The following PLXNC1 variants were observed in gnomAD, a reference collection of about 807,000 sequenced individuals.
PLXNC1 encodes the protein plexin-C1.
Under a neutral mutation model 178.2 loss-of-function variants are expected in PLXNC1, and 75 were observed. That is an observed-to-expected ratio of 0.42 (90% CI 0.35 to 0.51). The LOEUF (loss-of-function observed/expected upper bound fraction) is 0.51. Among genes scored for constraint, PLXNC1 ranks in the 20% least tolerant of loss-of-function variants. PLXNC1 has a pLI of 0.02. For missense variants in PLXNC1, 1,503 were observed against 1,984.4 expected, an observed-to-expected ratio of 0.76 and a Z score of 4.61; for synonymous variants, 790 against 779.9, an observed-to-expected ratio of 1.01 and a Z score of -0.22.
chr12:94,172,061 A>G (rs947070335), intron 2 of PLXNC1, among the ~76,000 whole-genome samples: 9 of 152,236 alleles, frequency 5.9e-5, no homozygotes, highest in African/African-American at 1.9e-4. Flanking sequence ...AAATCCCTTT[A>G]TTCAGAAGCT....
At position 94,305,988 on chromosome 12, in the gene PLXNC1, AT is replaced by A. The variant is rs1968963534; in HGVS notation, c.*707del. Reference sequence around the variant, plus strand: ...AGTGGGCTTTATTTAAATGAACAGCATTTTAACCAGATACTTTGTCCTAATG... The same window carrying A: ...AGTGGGCTTTATTTAAATGAACAGCATTTAACCAGATACTTTGTCCTAATG... On this transcript the variant is annotated 3_prime_UTR_variant, in exon 31 of 31. Coordinates refer to ENST00000258526, the MANE Select transcript of PLXNC1 (RefSeq NM_005761.3). 6.6e-6 allele frequency: 1 copy of A among 152,226 alleles called. No homozygotes were observed. The highest frequency in any genetic ancestry group is 1.5e-5 in the Non-Finnish European group (1 of 68,042). 9.4% of individuals were successfully genotyped at this position (152,226 alleles called of 1,614,324 possible).
rs61494140 is a variant in PLXNC1, at chr12:94,196,387, C to T, written c.1439+9914C>T. ...TCTGGTTGTTTAAGAGAGTGTGGCACCTGCCCCCTCACAGTCTTGCTCCCA... is the reference window on the plus strand; with the variant it reads ...TCTGGTTGTTTAAGAGAGTGTGGCATCTGCCCCCTCACAGTCTTGCTCCCA... On this transcript the variant is annotated intron_variant, in intron 4 of 30. Coordinates refer to ENST00000258526, the MANE Select transcript of PLXNC1 (RefSeq NM_005761.3). 1.3e-3 allele frequency among the ~76,000 whole-genome samples: 200 copies of T among 152,168 alleles called. 2 individuals are homozygous for T. The highest frequency in any genetic ancestry group is 0.011 in the Admixed American group (168 of 15,288).
At chr12:94,279,694 TC>T (rs771669619) in intron 22 of PLXNC1, 45 bp downstream of exon 22, 1 of 1,554,368 alleles carries the variant, frequency 6.4e-7, no homozygotes, top group East Asian at 2.2e-5. Flanking sequence ...CTGATGAGTG[TC>T]CCTCCCTGCC....
At chr12:94,206,680 A>G (rs764677137) in intron 4 of PLXNC1, among the ~76,000 whole-genome samples, 4 of 152,230 alleles carry the variant, frequency 2.6e-5, no homozygotes, top group Non-Finnish European at 5.9e-5. Flanking sequence ...TCAGTAGAGG[A>G]TGGAGCAAAA....
rs751459922 is a variant in PLXNC1, at chr12:94,297,416, C to T, written c.4067C>T (p.Ser1356Leu). 9.9e-6 allele frequency: 16 copies of T among 1,609,822 alleles called. No individual in the cohort carries two copies. The highest frequency in any genetic ancestry group is 3.3e-5 in the Admixed American group (2 of 59,974). ...GAAATGTATCTGACAAAGCTGCTGT[C>T]GACCAAGGTACACTTACTGTTCTGG... is the stretch of plus-strand genomic sequence containing the variant. Reference protein sequence around the residue: ...VKEMYLTKLLSTKVAIHSVLE... With the variant: ...VKEMYLTKLLLTKVAIHSVLE... Residue 1356 changes from serine to leucine, a missense_variant, in exon 26 of 31, where the codon TCG (serine) becomes TTG (leucine). Physicochemically the swap from Ser to Leu is moderately radical, Grantham distance 145. Coordinates refer to ENST00000258526, the MANE Select transcript of PLXNC1 (RefSeq NM_005761.3).
chr12:94,197,418 A>G (rs907751418), intron 4 of PLXNC1, among the ~76,000 whole-genome samples: 16 of 144,290 alleles, frequency 1.1e-4, no homozygotes, highest in Non-Finnish European at 2.3e-4. Flanking sequence ...TTCCTGATAA[A>G]ATGATACATT....
intron 4 of PLXNC1, among the ~76,000 whole-genome samples, chr12:94,208,646 A>C (rs930342790): frequency 6.6e-6 from 1 of 152,220 alleles, no homozygotes; most frequent in Non-Finnish European, 1.5e-5. Context: ...CCTGCATTTT[A>C]ATCTTCAGCC....
At chr12:94,208,442 G>A (rs531651285) in intron 4 of PLXNC1, among the ~76,000 whole-genome samples, 1 of 152,130 alleles carries the variant, frequency 6.6e-6, no homozygotes, top group Non-Finnish European at 1.5e-5. Context: ...AAGAGAGAGA[G>A]AGTAGAGAAA....
chr12:94,243,369 C>T (rs1002726439), intron 11 of PLXNC1, among the ~76,000 whole-genome samples: 7 of 152,200 alleles, frequency 4.6e-5, no homozygotes, highest in African/African-American at 7.2e-5. Context: ...CACTGAGAAA[C>T]GTGAAGTTAT....
At chr12:94,227,725 G>C (rs1015032021) in intron 9 of PLXNC1, among the ~76,000 whole-genome samples, 1 of 152,052 alleles carries the variant, frequency 6.6e-6, no homozygotes, top group Admixed American at 6.6e-5. Flanking sequence ...TATTTCTCTC[G>C]CCTTCTCACA....
chr12:94,282,074 T>C (rs1966479062), intron 22 of PLXNC1: 1 of 474,894 alleles, frequency 2.1e-6, no homozygotes, highest in Non-Finnish European at 3.8e-6. Context: ...TGGCTTTACT[T>C]CCAGGCTTAT....
chr12:94,177,526 G>GGAGAAAGAAA (rs1555195722), intron 2 of PLXNC1, among the ~76,000 whole-genome samples: 2 of 133,200 alleles, frequency 1.5e-5, no homozygotes, highest in South Asian at 2.4e-4. Context: ...AGAGAGAGAG[G>GGAGAAAGAAA]GAGAAAGAAA....
intron 21 of PLXNC1, among the ~76,000 whole-genome samples, chr12:94,273,149 T>C (rs1965685955): frequency 6.6e-6 from 1 of 152,234 alleles, no homozygotes; most frequent in Non-Finnish European, 1.5e-5. Flanking sequence ...AATGAACCTA[T>C]AATTGCATTC....
At chr12:94,224,548 T>A (rs1427802521) in intron 7 of PLXNC1, among the ~76,000 whole-genome samples, 1 of 152,140 alleles carries the variant, frequency 6.6e-6, no homozygotes, top group African/African-American at 2.4e-5. Context: ...TGTGCTTAAG[T>A]GTTCATACCC....
At chr12:94,152,697 G>A (rs1157491084) in intron 1 of PLXNC1, among the ~76,000 whole-genome samples, 1 of 152,188 alleles carries the variant, frequency 6.6e-6, no homozygotes, top group Non-Finnish European at 1.5e-5. Flanking sequence ...AGGCACAAGC[G>A]GCTGGATTTG....
At chr12:94,288,097 C>T (rs1344073287) in intron 23 of PLXNC1, among the ~76,000 whole-genome samples, 1 of 152,250 alleles carries the variant, frequency 6.6e-6, no homozygotes, top group Non-Finnish European at 1.5e-5. Context: ...ATGCTCCTAA[C>T]CTCCGAGGCA....
Position 94,150,003 on chromosome 12 carries a change from C to T in PLXNC1, c.1032C>T (p.Ser344=), listed in dbSNP as rs897870327. 3.1e-6 allele frequency: 5 copies of T among 1,596,874 alleles called. No homozygotes were observed. Among genetic ancestry groups the T allele is most frequent in the Middle Eastern group, 1.7e-4 (1 of 5,994 alleles). The change falls in exon 1 of 31, where the codon AGC becomes AGT. Residue 344 remains serine (S), a synonymous_variant. Coordinates refer to ENST00000258526, the MANE Select transcript of PLXNC1 (RefSeq NM_005761.3). ...SEIQARAKRV[S]WDFKTAESHC... The stretch of plus-strand genomic sequence containing the variant: ...TCCAGGCGCGCGCCAAGAGGGTCAG[C>T]TGGGACTTCAAGACGGCCGAGAGCC...
chr12:94,208,323 G>A (rs971559693), intron 4 of PLXNC1, among the ~76,000 whole-genome samples: 1 of 152,180 alleles, frequency 6.6e-6, no homozygotes, highest in African/African-American at 2.4e-5. Context: ...TATTGTGCTT[G>A]GGGATGACGT....
At chr12:94,150,106 A>G (rs1197280244) in intron 1 of PLXNC1, 73 bp downstream of exon 1, 8 of 1,236,526 alleles carry the variant, frequency 6.5e-6, no homozygotes, top group Non-Finnish European at 8.7e-6. Flanking sequence ...AGGCAGAACG[A>G]GCTGGGGGCG....
Sources: allele counts gnomAD v4.1 joint callset (sites outside exome capture counted in the v4.1 genomes callset), GRCh38; gene constraint gnomAD v4.1.1; transcripts MANE v1.5; gene names NCBI Gene and HGNC (gene_info 2026-07-23, HGNC 2026-07-21).